PCLO: variants seen among roughly 807,000 people sequenced by gnomAD.
The protein encoded by PCLO is protein piccolo.
In PCLO, 82 loss-of-function variants were observed where a neutral mutation model predicts 427.5. That is an observed-to-expected ratio of 0.19 (90% CI 0.16 to 0.23). The LOEUF (loss-of-function observed/expected upper bound fraction) is 0.23. Ranked by LOEUF, PCLO falls within the 10% of genes least tolerant of loss-of-function variation. PCLO has a pLI of 1.00. For missense variants in PCLO, 6,239 were observed against 6,115.9 expected (o/e 1.02, Z -0.67); for synonymous variants, 2,357 against 2,155.4 (o/e 1.09, Z -2.59).
At chr7:82,966,541 T>TCA in intron 3 of PCLO, 54 bp from the exon 4 acceptor site, 1 of 1,136,232 alleles carries the variant, frequency 8.8e-7, no homozygotes, top group South Asian at 2.1e-5. Flanking sequence ...TGTATCTGTT[T>TCA]CTGTGATTTT....
In PCLO at chr7:83,059,617, T is replaced by C. The variant is rs74510288; in HGVS notation, c.3300+74633A>G. 6.4e-3 allele frequency among the ~76,000 whole-genome samples: 968 copies of C among 152,080 alleles called. 10 individuals are homozygous for C. The highest frequency in any genetic ancestry group is 6.3e-3 in the Non-Finnish European group (429 of 67,990). ...TTATTTAACCAATCTCCATGCATTA[T>C]TGACAAAGAACTTGACAGAAGCCAT... On this transcript the variant is annotated intron_variant, in intron 3 of 24. Transcript: ENST00000333891.
At chr7:83,038,784 G>C (rs1307519282) in intron 3 of PCLO, among the ~76,000 whole-genome samples, 2 of 151,982 alleles carry the variant, frequency 1.3e-5, no homozygotes, top group African/African-American at 4.8e-5. Context: ...TCTACGTTTA[G>C]TCATTTGAAG....
intron 3 of PCLO, among the ~76,000 whole-genome samples, chr7:83,086,118 T>C (rs761059374): frequency 1.8e-4 from 7 of 39,214 alleles, no homozygotes; most frequent in Admixed American, 2.7e-4. Flanking sequence ...TTTTTTTTTC[T>C]TTTTTTTTTG....
intron 3 of PCLO, among the ~76,000 whole-genome samples, chr7:83,013,006 A>G (rs1788122131): frequency 6.6e-6 from 1 of 152,122 alleles, no homozygotes; most frequent in Non-Finnish European, 1.5e-5. Flanking sequence ...TTGCTATATG[A>G]GTTCAATACT....
intron 3 of PCLO, among the ~76,000 whole-genome samples, chr7:83,046,845 G>C: frequency 6.6e-6 from 1 of 151,846 alleles, no homozygotes; most frequent in East Asian, 1.9e-4. Context: ...GCCTTAATTT[G>C]TTCATAAATA....
chr7:82,928,163 G>C (rs1794757231), intron 6 of PCLO, among the ~76,000 whole-genome samples: 1 of 151,946 alleles, frequency 6.6e-6, no homozygotes, highest in African/African-American at 2.4e-5. Context: ...ATATAGACAG[G>C]TTTCTAATTG....
intron 3 of PCLO, among the ~76,000 whole-genome samples, chr7:83,046,770 C>T (rs114116181): frequency 0.014 from 2,185 of 152,004 alleles, 58 homozygotes; most frequent in African/African-American, 0.049. Flanking sequence ...GGATTTGATT[C>T]CATGTCTGAA....
At chr7:82,820,733 C>A in intron 20 of PCLO, 1 of 1,231,458 alleles carries the variant, frequency 8.1e-7, no homozygotes, top group Non-Finnish European at 1.0e-6. Context: ...CACTGATCCA[C>A]ATTCCAACTG....
At chr7:83,087,470 G>GA (rs953115078) in intron 3 of PCLO, among the ~76,000 whole-genome samples, 4 of 145,870 alleles carry the variant, frequency 2.7e-5, no homozygotes, top group South Asian at 2.1e-4. Flanking sequence ...TTCAAAGTGT[G>GA]AAAAAAAAAA....
At chr7:82,828,113 A>T in intron 16 of PCLO, 147 bp from the exon 17 acceptor site, 1 of 599,760 alleles carries the variant, frequency 1.7e-6, no homozygotes, top group Non-Finnish European at 2.9e-6. Flanking sequence ...CTTAAACCTT[A>T]GTTTAAGTTG....
At chr7:83,090,857 C>T (rs541617497) in intron 3 of PCLO, among the ~76,000 whole-genome samples, 50 of 151,734 alleles carry the variant, frequency 3.3e-4, no homozygotes, top group African/African-American at 1.2e-3. Context: ...AATATTGTAC[C>T]CTCCTATCAT....
chr7:83,114,884 AC>A (rs1428055738), intron 3 of PCLO, among the ~76,000 whole-genome samples: 1 of 152,046 alleles, frequency 6.6e-6, no homozygotes, highest in Non-Finnish European at 1.5e-5. Context: ...CTCAGCTGAC[AC>A]TATTCACTTC....
At chr7:82,982,300 A>G (rs1796163586) in intron 3 of PCLO, among the ~76,000 whole-genome samples, 5 of 152,120 alleles carry the variant, frequency 3.3e-5, no homozygotes, top group African/African-American at 9.7e-5. Context: ...ATGAAGATCC[A>G]ACTCATATAG....
At chr7:82,824,753 C>T (rs940587710) in intron 18 of PCLO, among the ~76,000 whole-genome samples, 1 of 151,426 alleles carries the variant, frequency 6.6e-6, no homozygotes, top group Admixed American at 6.6e-5. Flanking sequence ...TTATTTTAAT[C>T]TTACACGGTG....
chr7:82,926,536 T>C (rs1421878647), intron 6 of PCLO, among the ~76,000 whole-genome samples: 1 of 152,116 alleles, frequency 6.6e-6, no homozygotes, highest in East Asian at 1.9e-4. Flanking sequence ...TAGTAATACA[T>C]AAAAAAATTC....
intron 15 of PCLO, among the ~76,000 whole-genome samples, chr7:82,835,989 C>A (rs1319330421): frequency 6.6e-6 from 1 of 151,962 alleles, no homozygotes; most frequent in Non-Finnish European, 1.5e-5. Context: ...CAAACCTCAC[C>A]AAGTAGGGAC....
rs1793256496 is a variant in PCLO, at chr7:82,872,301, A to G, written c.13654+7036T>C. ...ATCCAATGAAAGAACAGGCAAAAAG[A>G]CGAGTCAAATCTCAGATGAGAAAAA... On this transcript the variant is annotated intron_variant, in intron 10 of 24. Coordinates refer to ENST00000333891, the MANE Select transcript of PCLO (RefSeq NM_033026.6). 2.0e-5 allele frequency among the ~76,000 whole-genome samples: 3 copies of G among 152,068 alleles called. No homozygotes were observed. The South Asian group carries it at 6.2e-4, about 31-fold the overall frequency.
chr7:83,112,747 A>G (rs986171472), intron 3 of PCLO, among the ~76,000 whole-genome samples: 7 of 152,196 alleles, frequency 4.6e-5, no homozygotes, highest in Non-Finnish European at 1.0e-4. Flanking sequence ...TTAATATGCC[A>G]TGAGAGGAAA....
chr7:82,795,214 T>C (rs1035165183), intron 22 of PCLO, among the ~76,000 whole-genome samples: 6 of 152,198 alleles, frequency 3.9e-5, no homozygotes, highest in Non-Finnish European at 7.4e-5. Context: ...ACTTTTTCTA[T>C]GGAATGAAAT....
Sources: gnomAD v4.1 joint callset for allele counts (sites outside exome capture counted in the v4.1 genomes callset) on GRCh38, gnomAD v4.1.1 for gene constraint, MANE v1.5 for transcripts, NCBI Gene and HGNC (gene_info 2026-07-23, HGNC 2026-07-21) for gene names.